Variants in HK2 observed in about 807,000 individuals in gnomAD.
HK2 encodes the protein hexokinase-2.
HK2 carries 42 observed loss-of-function variants against 92.9 expected under a neutral mutation model. The observed-to-expected ratio is 0.45, with a 90% CI of 0.35 to 0.58. The LOEUF is 0.58. Ranked by LOEUF, HK2 falls within the 20% of genes least tolerant of loss-of-function variation. HK2 has a pLI of 0.00. For synonymous variants in HK2, 422 were observed against 468.0 expected, an observed-to-expected ratio of 0.90 and a Z score of 1.27; for missense variants, 978 against 1,245.1, an observed-to-expected ratio of 0.79 and a Z score of 3.23.
Position 74,891,138 on chromosome 2 carries a change from T to G in HK2, c.*197T>G, listed in dbSNP as rs1041072851. ...TTGGCCCTATTAAGATAAATAGAGT[T>G]CCAAATAAGGATTTGTTCACATGCA... On this transcript the variant is annotated 3_prime_UTR_variant, in exon 18 of 18. Coordinates refer to ENST00000290573, the MANE Select transcript of HK2 (RefSeq NM_000189.5). 4.9e-6 allele frequency: 3 copies of G among 611,082 alleles called. No homozygotes were observed. The African/African-American group carries it at 5.5e-5, about 11-fold the overall frequency. 37.9% of individuals were successfully genotyped at this position (611,082 alleles called of 1,614,324 possible).
intron 1 of HK2, among the ~76,000 whole-genome samples, chr2:74,841,708 C>T (rs1408289053): frequency 2.6e-5 from 4 of 152,180 alleles, no homozygotes; most frequent in South Asian, 4.1e-4. Flanking sequence ...GTTGCTGTTT[C>T]TGTATTCTCA....
At chr2:74,876,114 G>GT (rs1689225846) in intron 7 of HK2, among the ~76,000 whole-genome samples, 1 of 152,226 alleles carries the variant, frequency 6.6e-6, no homozygotes, top group Non-Finnish European at 1.5e-5. Flanking sequence ...CTCTGCCTGT[G>GT]TGGGTGCACT....
At chr2:74,886,775 G>A (rs1162893786) in intron 15 of HK2, 102 bp downstream of exon 15, 1 of 1,227,154 alleles carries the variant, frequency 8.1e-7, no homozygotes, top group Non-Finnish European at 1.2e-6. Context: ...CGGTTCTCGT[G>A]AGATGTTAAT....
At chr2:74,842,928 G>A (rs1430847890) in intron 1 of HK2, among the ~76,000 whole-genome samples, 3 of 152,152 alleles carry the variant, frequency 2.0e-5, no homozygotes, top group South Asian at 2.1e-4. Flanking sequence ...CTGTCTCCCC[G>A]GTAACTAACC....
At position 74,878,689 on chromosome 2, in the gene HK2, GAGA is replaced by G; in HGVS notation, c.1036_1038del (p.Lys346del). 4 of 1,604,130 alleles carry G rather than the reference GAGA, an allele frequency of 2.5e-6. No individual in the cohort carries two copies. The highest frequency in any genetic ancestry group is 2.6e-6 in the Non-Finnish European group (3 of 1,175,040). On this transcript the variant is annotated inframe_deletion and splice_region_variant, in exon 9 of 18. Coordinates refer to ENST00000290573, the MANE Select transcript of HK2 (RefSeq NM_000189.5). Reference sequence around the variant, plus strand: ...ACATGCTATCTTTCTGTTTCCCAGGGAGAAGGATGGCATCCGGAAGGCCCGTGA... The same window carrying G: ...ACATGCTATCTTTCTGTTTCCCAGGGAGGATGGCATCCGGAAGGCCCGTGA...
intron 1 of HK2, among the ~76,000 whole-genome samples, chr2:74,838,868 A>G (rs976847452): frequency 6.6e-6 from 1 of 152,172 alleles, no homozygotes; most frequent in Admixed American, 6.5e-5. Context: ...ATAAGTTAGT[A>G]TACAAGATGC....
intron 3 of HK2, among the ~76,000 whole-genome samples, chr2:74,871,895 A>T (rs1320234104): frequency 6.6e-6 from 1 of 152,166 alleles, no homozygotes; most frequent in Non-Finnish European, 1.5e-5. Context: ...CTTTGGTATG[A>T]TCGTCAACTG....
At chr2:74,840,711 CAAAAAA>C (rs34885061) in intron 1 of HK2, among the ~76,000 whole-genome samples, 1 of 129,192 alleles carries the variant, frequency 7.7e-6, no homozygotes, top group African/African-American at 3.0e-5. Flanking sequence ...ACTAAAAATA[CAAAAAA>C]AAAAAAAAAA....
intron 2 of HK2, among the ~76,000 whole-genome samples, chr2:74,866,014 G>C (rs746310697): frequency 6.6e-6 from 1 of 152,090 alleles, no homozygotes; most frequent in African/African-American, 2.4e-5. Flanking sequence ...CTGCTAAATA[G>C]TGGCCGGGGT....
chr2:74,882,236 C>T lies in HK2; in HGVS notation c.1836C>T (p.Asp612=), dbSNP rs200225889. ...FSFPCQQNSL[D]ESILLKWTKG... ...TCCCCTGCCAGCAGAACAGCCTGGA[C>T]GAGGTAACAGCACCTTCCTGGAGGG... is the stretch of plus-strand genomic sequence containing the variant. The change falls in exon 12 of 18, where the codon GAC becomes GAT. Residue 612 remains aspartate, a synonymous_variant. Transcript: ENST00000290573. 109 of 1,613,852 alleles carry T rather than the reference C, an allele frequency of 6.8e-5. No homozygotes were observed. Among genetic ancestry groups the T allele is most frequent in the African/African-American group, 8.0e-5 (6 of 74,902 alleles).
rs17847158 is a variant in HK2, at chr2:74,877,020, C to A, written c.876-146C>A. The A allele has an allele frequency of 2.8e-6, 3 of 1,065,036 alleles. No individual in the cohort carries two copies. The East Asian group carries it at 7.2e-5, about 26-fold the overall frequency. The allele number at this position is 1,065,036 out of a possible 1,614,324, so 66.0% of individuals were successfully genotyped here. A position where few individuals can be genotyped will look rare whatever the true frequency, so the allele number is the denominator to read the frequency against. The stretch of plus-strand genomic sequence containing the variant: ...CAAGCCAGCCCCTCTGAGCCGTCAC[C>A]TCTCCACGTATCTTACTCCTGGGCC... On this transcript the variant is annotated intron_variant, in intron 7 of 17. Coordinates refer to ENST00000290573, the MANE Select transcript of HK2 (RefSeq NM_000189.5).
chr2:74,838,144 C>T (rs1476208786), intron 1 of HK2, among the ~76,000 whole-genome samples: 2 of 152,186 alleles, frequency 1.3e-5, no homozygotes, highest in Non-Finnish European at 2.9e-5. Context: ...ATTCCACCAT[C>T]TGTTAGAGTT....
rs1201989015 is a variant in HK2 at position 74,889,296 on chromosome 2, T to G, written c.2427T>G (p.Leu809=). ...GAGCCATCCTGCAACACTTAGGGCT[T>G]GAGAGCACCTGTGACGACAGCATCA... ...QVRAILQHLG[L]ESTCDDSIIV... Residue 809 remains leucine, a synonymous_variant, in exon 17 of 18, where the codon CTT becomes CTG. Coordinates refer to ENST00000290573, the MANE Select transcript of HK2 (RefSeq NM_000189.5). The G allele has an allele frequency of 1.2e-6, 2 of 1,614,084 alleles. No homozygotes were observed. The highest frequency in any genetic ancestry group is 3.3e-5 in the Admixed American group (2 of 60,010).
chr2:74,871,884 C>G (rs1209888386), intron 3 of HK2, among the ~76,000 whole-genome samples: 2 of 152,148 alleles, frequency 1.3e-5, no homozygotes, highest in Non-Finnish European at 2.9e-5. Context: ...GATGGGCTGG[C>G]CTTTGGTATG....
chr2:74,862,141 C>T (rs1333850833), intron 2 of HK2, among the ~76,000 whole-genome samples: 1 of 152,166 alleles, frequency 6.6e-6, no homozygotes, highest in Non-Finnish European at 1.5e-5. Flanking sequence ...TACAGTCATC[C>T]AGTGGTAGGT....
intron 15 of HK2, among the ~76,000 whole-genome samples, chr2:74,886,918 C>G (rs971892271): frequency 6.6e-6 from 1 of 152,212 alleles, no homozygotes; most frequent in East Asian, 1.9e-4. Flanking sequence ...AGGTCTGGCA[C>G]TCTAAGGAGA....
At chr2:74,857,452 A>T (rs770024698) in intron 2 of HK2, among the ~76,000 whole-genome samples, 1 of 152,070 alleles carries the variant, frequency 6.6e-6, no homozygotes, top group South Asian at 2.1e-4. Flanking sequence ...CCCTGAACAG[A>T]CTCCTGTATG....
chr2:74,886,825 C>T lies in HK2; in HGVS notation c.2219+152C>T, dbSNP rs528860496. The T allele has an allele frequency of 7.2e-6, 6 of 832,762 alleles. No homozygotes were observed. In the South Asian group the frequency reaches 7.3e-5, roughly 10 times the overall value. 51.6% of individuals were successfully genotyped at this position (832,762 alleles called of 1,614,324 possible). A position where few individuals can be genotyped will look rare whatever the true frequency, so the allele number is the denominator to read the frequency against. On this transcript the variant is annotated intron_variant, in intron 15 of 17. Transcript: ENST00000290573. ...TGGAAAGGGTTTCTTGTCGAATGCA[C>T]CTGGAAAGTTCTGAGTTAGTAAATG...
At chr2:74,850,343 G>A (rs940606426) in intron 1 of HK2, among the ~76,000 whole-genome samples, 2 of 152,186 alleles carry the variant, frequency 1.3e-5, no homozygotes, top group Non-Finnish European at 2.9e-5. Flanking sequence ...TCAGAAAGCA[G>A]ATTTATCTTT....
Sources: allele counts gnomAD v4.1 joint callset (sites outside exome capture counted in the v4.1 genomes callset), GRCh38; gene constraint gnomAD v4.1.1; transcripts MANE v1.5; gene names NCBI Gene and HGNC (gene_info 2026-07-23, HGNC 2026-07-21).